RNLS: variants seen among roughly 807,000 people sequenced by gnomAD.
The protein encoded by RNLS is renalase.
RNLS carries 39 observed loss-of-function variants against 39.8 expected under a neutral mutation model. That is an observed-to-expected ratio of 0.98 (90% confidence interval 0.76 to 1.28). RNLS has a LOEUF of 1.28. Among genes scored for constraint, RNLS ranks in the 50% most tolerant of loss-of-function variants. The probability of loss-of-function intolerance (pLI) is 0.00; values close to 1 mark genes in which losing one functional copy is unlikely to be tolerated. For synonymous variants in RNLS, 147 were observed against 150.7 expected (o/e 0.98, Z 0.18); for missense variants, 410 against 413.3 (o/e 0.99, Z 0.07).
rs1843157202 is a variant in RNLS at position 88,284,794 on chromosome 10, C to T, written c.*560G>A. 6 of 985,150 alleles carry T rather than the reference C, an allele frequency of 6.1e-6. No individual in the cohort carries two copies. Among genetic ancestry groups the T allele is most frequent in the South Asian group, 9.4e-5 (2 of 21,280 alleles). The allele number at this position is 985,150 out of a possible 1,614,324, so 61.0% of individuals were successfully genotyped here. A position where few individuals can be genotyped will look rare whatever the true frequency, so the allele number is the denominator to read the frequency against. ...AGGTCTCTTTATCAGTCAAGTTGCCCTCCACACTAAGATGATGACATATAT... is the reference window on the plus strand; with the variant it reads ...AGGTCTCTTTATCAGTCAAGTTGCCTTCCACACTAAGATGATGACATATAT... On this transcript the variant is annotated 3_prime_UTR_variant, in exon 7 of 7. Transcript: ENST00000331772.
chr10:88,189,781 G>C, the RNLS span, among the ~76,000 whole-genome samples: 1 of 152,194 alleles, frequency 6.6e-6, no homozygotes, highest in Non-Finnish European at 1.5e-5. Flanking sequence ...ATGAATCTTT[G>C]ACCAGGCATG....
At chr10:88,446,017 C>G (rs1317551613) in intron 4 of RNLS, among the ~76,000 whole-genome samples, 1 of 152,176 alleles carries the variant, frequency 6.6e-6, no homozygotes, top group Non-Finnish European at 1.5e-5. Flanking sequence ...ATACATTCTT[C>G]TCAGCACCAC....
At chr10:88,573,469 G>A (rs1849975093) in intron 3 of RNLS, among the ~76,000 whole-genome samples, 1 of 152,100 alleles carries the variant, frequency 6.6e-6, no homozygotes, top group African/African-American at 2.4e-5. Context: ...CATCATTTTT[G>A]CAGAACAAGT....
intron 6 of RNLS, among the ~76,000 whole-genome samples, chr10:88,277,639 G>A (rs1451079340): frequency 6.6e-6 from 1 of 152,116 alleles, no homozygotes; most frequent in African/African-American, 2.4e-5. Flanking sequence ...AAAAGTTGGT[G>A]CACCTGAGTT....
At position 88,582,866 on chromosome 10, in the gene RNLS, C is replaced by T. The variant is rs182339292; in HGVS notation, c.118+207G>A. 1.4e-3 allele frequency among the ~76,000 whole-genome samples: 206 copies of T among 152,358 alleles called. 1 individual carries two copies. Among genetic ancestry groups the T allele is most frequent in the African/African-American group, 3.7e-3 (154 of 41,590 alleles). ...CCCCCACCCTCGCCCCCACCCTCGC[C>T]CCTTCTTGGGCCTTTTCCCGGGCGG... On this transcript the variant is annotated intron_variant, in intron 1 of 6. Coordinates refer to ENST00000331772, the MANE Select transcript of RNLS (RefSeq NM_001031709.3).
At chr10:88,524,949 G>GCACACACACACACA (rs761145374) in intron 4 of RNLS, among the ~76,000 whole-genome samples, 1 of 49,660 alleles carries the variant, frequency 2.0e-5, no homozygotes, top group African/African-American at 7.6e-5. Flanking sequence ...TATATATATG[G>GCACACACACACACA]CACACACATA....
chr10:88,226,979 G>T, the RNLS span, among the ~76,000 whole-genome samples: 1 of 152,068 alleles, frequency 6.6e-6, no homozygotes, highest in South Asian at 2.1e-4. Flanking sequence ...ACAAAGAATA[G>T]CCCATGGGCA....
At chr10:88,191,541 A>G in the RNLS span, among the ~76,000 whole-genome samples, 12 of 152,234 alleles carry the variant, frequency 7.9e-5, no homozygotes, top group East Asian at 2.3e-3. Flanking sequence ...CTTGCTTAAG[A>G]AAAGGATGTT....
In RNLS at chr10:88,373,027, T is replaced by G. The variant is rs201178744; in HGVS notation, c.527-10302A>C. On this transcript the variant is annotated intron_variant, in intron 4 of 6. Transcript: ENST00000331772. ...AAATGTCACAGAATATCATACATAT[T>G]TATTTTACAGCCACTCTTCCCAGCC... Among the ~76,000 whole-genome samples, 1,057 of 151,838 alleles carry G rather than the reference T, an allele frequency of 7.0e-3. 14 individuals carry two copies. Among genetic ancestry groups the G allele is most frequent in the East Asian group, 0.019 (99 of 5,150 alleles).
At chr10:88,575,389 G>A (rs1195840083) in intron 3 of RNLS, among the ~76,000 whole-genome samples, 1 of 151,242 alleles carries the variant, frequency 6.6e-6, no homozygotes, top group African/African-American at 2.4e-5. Context: ...TACTGAATAA[G>A]AAACTCTGGG....
At chr10:88,271,451 C>G (rs1842647606), downstream of RNLS, among the ~76,000 whole-genome samples, 1 of 152,134 alleles carries the variant, frequency 6.6e-6, no homozygotes. Context: ...CTTTTCAACA[C>G]TGTTTATGAC....
At chr10:88,391,376 G>A (rs1852188292) in intron 4 of RNLS, among the ~76,000 whole-genome samples, 1 of 152,120 alleles carries the variant, frequency 6.6e-6, no homozygotes, top group Non-Finnish European at 1.5e-5. Context: ...TGGCCAACAT[G>A]GTGAAACCCC....
chr10:88,194,041 T>A, the RNLS span, among the ~76,000 whole-genome samples: 1 of 152,214 alleles, frequency 6.6e-6, no homozygotes, highest in Admixed American at 6.5e-5. Context: ...CACGTCTACA[T>A]GCCTAATAAT....
chr10:88,185,437 T>C, the RNLS span, among the ~76,000 whole-genome samples: 1 of 152,174 alleles, frequency 6.6e-6, no homozygotes, highest in Non-Finnish European at 1.5e-5. Flanking sequence ...TCAATCTTTA[T>C]ACTAACAAGT....
chr10:88,422,975 T>C (rs1854498330), intron 4 of RNLS, among the ~76,000 whole-genome samples: 1 of 152,172 alleles, frequency 6.6e-6, no homozygotes, highest in Non-Finnish European at 1.5e-5. Context: ...TCTCAAACTC[T>C]TGGCCTCAAG....
rs879494367 is a variant in RNLS, at chr10:88,438,971, C to G, written c.527-76246G>C. Among the ~76,000 whole-genome samples, 111 of 134,880 alleles carry G rather than the reference C, an allele frequency of 8.2e-4. 1 individual carries two copies. The South Asian group carries it at 0.011, about 13-fold the overall frequency. 88.5% of individuals were successfully genotyped at this position (134,880 alleles called of 152,430 possible). A position where few individuals can be genotyped will look rare whatever the true frequency, so the allele number is the denominator to read the frequency against. On this transcript the variant is annotated intron_variant, in intron 4 of 6. Coordinates refer to ENST00000331772, the MANE Select transcript of RNLS (RefSeq NM_001031709.3). ...AGTAACTGACTGATATCACCGGGGGCGGGTGGGAGTGGGGGCGCCTTAGTT... is the reference window on the plus strand; with the variant it reads ...AGTAACTGACTGATATCACCGGGGGGGGGTGGGAGTGGGGGCGCCTTAGTT...
At chr10:88,488,127 T>C (rs556493241) in intron 4 of RNLS, among the ~76,000 whole-genome samples, 42 of 151,472 alleles carry the variant, frequency 2.8e-4, no homozygotes, top group African/African-American at 1.0e-3. Context: ...TTTGGGGGAG[T>C]AGTGATGGAT....
intron 4 of RNLS, among the ~76,000 whole-genome samples, chr10:88,432,582 A>G (rs1027111990): frequency 6.6e-6 from 1 of 151,706 alleles, no homozygotes; most frequent in Non-Finnish European, 1.5e-5. Flanking sequence ...TTAACCAAGT[A>G]TTTTTTATGA....
chr10:88,192,316 T>G, the RNLS span, among the ~76,000 whole-genome samples: 1 of 152,204 alleles, frequency 6.6e-6, no homozygotes, highest in South Asian at 2.1e-4. Context: ...TTATGTAAAT[T>G]ATTTAGCACA....
Sources: gnomAD v4.1 joint callset for allele counts (sites outside exome capture counted in the v4.1 genomes callset) on GRCh38, gnomAD v4.1.1 for gene constraint, MANE v1.5 for transcripts, NCBI Gene and HGNC (gene_info 2026-07-23, HGNC 2026-07-21) for gene names.